SAMD12: variants seen among roughly 807,000 people sequenced by gnomAD.
The protein encoded by SAMD12 is sterile alpha motif domain-containing protein 12.
In SAMD12, 9 loss-of-function variants were observed where a neutral mutation model predicts 15.0. The ratio of observed to expected loss-of-function variants is 0.60; its 90% CI spans 0.36 to 1.05. The LOEUF is 1.05. Ranked by LOEUF, SAMD12 falls within the 50% of genes least tolerant of loss-of-function variation. The pLI, the probability that SAMD12 is intolerant of heterozygous loss-of-function variation, is 0.01. For missense variants in SAMD12, 230 were observed against 234.2 expected (o/e 0.98, Z 0.12); for synonymous variants, 86 against 90.1 (o/e 0.96, Z 0.25).
At chr8:118,228,337 C>G (rs6981729) in intron 4 of SAMD12, among the ~76,000 whole-genome samples, 1 of 152,112 alleles carries the variant, frequency 6.6e-6, no homozygotes, top group African/African-American at 2.4e-5. Context: ...TCGGCAGAGT[C>G]AACAGAAAAC....
intron 4 of SAMD12, among the ~76,000 whole-genome samples, chr8:118,341,501 C>A (rs542800078): frequency 1.3e-5 from 2 of 152,314 alleles, no homozygotes; most frequent in East Asian, 3.9e-4. Context: ...CAGGCTGCAC[C>A]ACAGACAGAC....
chr8:118,283,716 C>G (rs1563731030), intron 4 of SAMD12, among the ~76,000 whole-genome samples: 1 of 152,162 alleles, frequency 6.6e-6, no homozygotes, highest in Non-Finnish European at 1.5e-5. Flanking sequence ...TGTCTTGTAC[C>G]ATGGCTAGAA....
intron 3 of SAMD12, among the ~76,000 whole-genome samples, chr8:118,411,333 G>T (rs1225820390): frequency 2.0e-5 from 3 of 152,188 alleles, no homozygotes; most frequent in Non-Finnish European, 4.4e-5. Context: ...CATCATCAAA[G>T]TAACAAAGGT....
intron 3 of SAMD12, among the ~76,000 whole-genome samples, chr8:118,402,823 A>G (rs1394356720): frequency 6.6e-6 from 1 of 152,188 alleles, no homozygotes; most frequent in Non-Finnish European, 1.5e-5. Flanking sequence ...AGATTCTACT[A>G]TATGACCTCT....
At position 118,590,238 on chromosome 8, in the gene SAMD12, A is replaced by G. The variant is rs890017132; in HGVS notation, c.14-9345T>C. The stretch of plus-strand genomic sequence containing the variant: ...TTTACTCAAACATTACAGAAAAGAA[A>G]TGTGACCCAACCACCACATCAGTAA... On this transcript the variant is annotated intron_variant, in intron 1 of 3. Coordinates refer to ENST00000314727, the MANE Select transcript of SAMD12 (RefSeq NM_207506.3). Among the ~76,000 whole-genome samples the G allele has an allele frequency of 2.0e-5, 3 of 152,344 alleles. No homozygotes were observed. The South Asian group carries it at 6.2e-4, about 32-fold the overall frequency.
chr8:118,403,313 C>T (rs999794370), intron 3 of SAMD12, among the ~76,000 whole-genome samples: 4 of 151,644 alleles, frequency 2.6e-5, no homozygotes, highest in African/African-American at 9.7e-5. Context: ...GGAATAAAGT[C>T]TGATATACTT....
intron 2 of SAMD12, among the ~76,000 whole-genome samples, chr8:118,479,487 A>G (rs1824059916): frequency 6.6e-6 from 1 of 152,178 alleles, no homozygotes; most frequent in South Asian, 2.1e-4. Flanking sequence ...TGTGAGATTT[A>G]TTCACTACCA....
At chr8:118,247,574 A>G (rs1228789471) in intron 4 of SAMD12, among the ~76,000 whole-genome samples, 1 of 151,746 alleles carries the variant, frequency 6.6e-6, no homozygotes, top group Non-Finnish European at 1.5e-5. Flanking sequence ...AAAACTTTAA[A>G]AATTTTATTT....
At chr8:118,550,158 G>A (rs532708650) in intron 2 of SAMD12, among the ~76,000 whole-genome samples, 1 of 152,210 alleles carries the variant, frequency 6.6e-6, no homozygotes, top group South Asian at 2.1e-4. Context: ...CCAACATTCA[G>A]ATTCAGGAAA....
At chr8:118,232,319 A>G (rs112282677) in intron 4 of SAMD12, among the ~76,000 whole-genome samples, 183 of 152,232 alleles carry the variant, frequency 1.2e-3, no homozygotes, top group African/African-American at 4.2e-3. Context: ...CCAAGTTGCA[A>G]CCTAGAGGGT....
intron 4 of SAMD12, among the ~76,000 whole-genome samples, chr8:118,250,682 T>A (rs952842341): frequency 3.3e-5 from 5 of 151,930 alleles, no homozygotes; most frequent in Non-Finnish European, 5.9e-5. Flanking sequence ...ATTTATTTTT[T>A]TTTATTTTTG....
chr8:118,411,508 A>C (rs1586684708), intron 3 of SAMD12, among the ~76,000 whole-genome samples: 1 of 152,196 alleles, frequency 6.6e-6, no homozygotes, highest in African/African-American at 2.4e-5. Flanking sequence ...CATCACAGGG[A>C]TTTAAAAGAG....
chr8:118,213,012 G>A (rs1223644689), intron 4 of SAMD12, among the ~76,000 whole-genome samples: 2 of 152,148 alleles, frequency 1.3e-5, no homozygotes, highest in African/African-American at 2.4e-5. Flanking sequence ...ATGAGAATAC[G>A]ATGAAGCATA....
intron 4 of SAMD12, among the ~76,000 whole-genome samples, chr8:118,317,696 G>T (rs1335978953): frequency 1.3e-5 from 2 of 152,126 alleles, no homozygotes; most frequent in African/African-American, 4.8e-5. Context: ...TTGTTGCATA[G>T]GTATTCAAAT....
At chr8:118,353,460 A>G (rs754715719) in intron 4 of SAMD12, among the ~76,000 whole-genome samples, 14 of 151,980 alleles carry the variant, frequency 9.2e-5, no homozygotes, top group Non-Finnish European at 4.4e-5. Context: ...AAGAGACAGA[A>G]GAGAAATTCC....
chr8:118,507,880 C>A (rs1213934190), intron 2 of SAMD12, among the ~76,000 whole-genome samples: 1 of 151,998 alleles, frequency 6.6e-6, no homozygotes, highest in Non-Finnish European at 1.5e-5. Flanking sequence ...CTCCTGGAAC[C>A]AATCCCCAGT....
At chr8:118,168,118 T>G in the SAMD12 span, among the ~76,000 whole-genome samples, 1 of 152,190 alleles carries the variant, frequency 6.6e-6, no homozygotes, top group African/African-American at 2.4e-5. Flanking sequence ...TCCTCCTCAT[T>G]TTCTCTTGCT....
chr8:118,609,477 C>T (rs928968588), intron 1 of SAMD12, among the ~76,000 whole-genome samples: 1 of 152,156 alleles, frequency 6.6e-6, no homozygotes, highest in African/African-American at 2.4e-5. Flanking sequence ...CAGCCTGGAG[C>T]AGGAAATCCT....
At chr8:118,368,756 A>G (rs977090517) in intron 4 of SAMD12, among the ~76,000 whole-genome samples, 2 of 152,202 alleles carry the variant, frequency 1.3e-5, no homozygotes, top group Non-Finnish European at 2.9e-5. Context: ...TTAAATTTAT[A>G]TTAGCAAAAA....
Sources: allele counts gnomAD v4.1 joint callset (sites outside exome capture counted in the v4.1 genomes callset), GRCh38; gene constraint gnomAD v4.1.1; transcripts MANE v1.5; gene names NCBI Gene and HGNC (gene_info 2026-07-23, HGNC 2026-07-21).